DNAJC21: variants seen among roughly 807,000 people sequenced by gnomAD.
DNAJC21 encodes the protein DnaJ heat shock protein family (Hsp40) member C21.
DNAJC21 carries 63 observed loss-of-function variants against 72.4 expected under a neutral mutation model. The ratio of observed to expected loss-of-function variants is 0.87; its 90% CI spans 0.71 to 1.07. The LOEUF (loss-of-function observed/expected upper bound fraction) is 1.07. DNAJC21 is among the 50% of genes least tolerant of loss of function. DNAJC21 has a pLI of 0.00. For synonymous variants in DNAJC21, 203 were observed against 216.7 expected (o/e 0.94, Z 0.56); for missense variants, 634 against 644.8 (o/e 0.98, Z 0.18).
At chr5:34,941,978 A>G (rs1765011334) in intron 7 of DNAJC21, among the ~76,000 whole-genome samples, 1 of 152,000 alleles carries the variant, frequency 6.6e-6, no homozygotes, top group African/African-American at 2.4e-5. Flanking sequence ...CCTTTCCAGC[A>G]GGGTAGAAAG....
rs180726798 is a variant in DNAJC21 at position 34,941,223 on chromosome 5, G to T, written c.983+40G>T. The T allele has an allele frequency of 2.4e-4, 375 of 1,543,362 alleles. No homozygotes were observed. The African/African-American group carries it at 4.1e-3, about 17-fold the overall frequency. On this transcript the variant is annotated intron_variant, in intron 7 of 11. Transcript: ENST00000648817. ...TTAATTTAATTTAATTTTGAGACAG[G>T]GTCTCACTCTGTCACCAAGGCAGGA...
At chr5:34,947,862 T>G (rs1389979062) in intron 9 of DNAJC21, among the ~76,000 whole-genome samples, 3 of 152,114 alleles carry the variant, frequency 2.0e-5, no homozygotes, top group Non-Finnish European at 2.9e-5. Context: ...GTATAATGCC[T>G]CCTCTTTTTC....
In DNAJC21 at chr5:34,954,859, T is replaced by C. The variant is rs1018125779; in HGVS notation, c.*145T>C. ...TTTTTTATCTTGTAAAAACACTTTT[T>C]TGGTTTAATATATATTTTTAAAACA... is the stretch of plus-strand genomic sequence containing the variant. On this transcript the variant is annotated 3_prime_UTR_variant, in exon 12 of 12. Coordinates refer to ENST00000648817, the MANE Select transcript of DNAJC21 (RefSeq NM_001012339.3). The C allele has an allele frequency of 5.0e-6, 5 of 996,452 alleles. No homozygotes were observed. In the African/African-American group the frequency reaches 8.4e-5, roughly 17 times the overall value. The allele number at this position is 996,452 out of a possible 1,614,324, so 61.7% of individuals were successfully genotyped here. A position where few individuals can be genotyped will look rare whatever the true frequency, so the allele number is the denominator to read the frequency against.
chr5:34,930,062 A>C (rs575276857), intron 1 of DNAJC21, 146 bp downstream of exon 1: 231 of 516,420 alleles, frequency 4.5e-4, no homozygotes, highest in African/African-American at 4.2e-3. Flanking sequence ...CAGTGCCCGG[A>C]GCCGCCCTGC....
rs75388559 is a variant in DNAJC21 at position 34,951,891 on chromosome 5, G to C, written c.1358+1549G>C. ...GGGTTCTCAGGCTTGGGCAACCACT[G>C]ATATAGTTCAGCTCTCTAATTTCAC... On this transcript the variant is annotated intron_variant, in intron 10 of 11. Transcript: ENST00000648817. 14 of 985,490 alleles carry C rather than the reference G, an allele frequency of 1.4e-5. No homozygotes were observed. The East Asian group carries it at 1.6e-3, about 112-fold the overall frequency. The allele number at this position is 985,490 out of a possible 1,614,324, so 61.0% of individuals were successfully genotyped here. A position where few individuals can be genotyped will look rare whatever the true frequency, so the allele number is the denominator to read the frequency against.
At chr5:34,943,419 G>A (rs1410391341) in intron 7 of DNAJC21, among the ~76,000 whole-genome samples, 2 of 152,194 alleles carry the variant, frequency 1.3e-5, no homozygotes, top group African/African-American at 4.8e-5. Context: ...TGCTCTCAGG[G>A]ATTCATAGCT....
At chr5:34,951,846 AT>A in intron 10 of DNAJC21, 1 of 985,474 alleles carries the variant, frequency 1.0e-6, no homozygotes, top group Non-Finnish European at 1.2e-6. Context: ...CTACATGAGA[AT>A]TGATCTGGGG....
rs369359554 is a variant in DNAJC21 at position 34,945,741 on chromosome 5, C to T, written c.1143-20C>T. ...TCACAGAGTCAAGTATTTGACATTT[C>T]GATTTATATTTGCTCTTAGGCTTTC... On this transcript the variant is annotated intron_variant, in intron 8 of 11. Coordinates refer to ENST00000648817, the MANE Select transcript of DNAJC21 (RefSeq NM_001012339.3). 1.5e-4 allele frequency: 242 copies of T among 1,567,912 alleles called. No individual in the cohort carries two copies. Among genetic ancestry groups the T allele is most frequent in the East Asian group, 5.1e-4 (22 of 42,926 alleles).
chr5:34,938,132 G>A (rs1444598175), intron 5 of DNAJC21, among the ~76,000 whole-genome samples: 1 of 152,190 alleles, frequency 6.6e-6, no homozygotes, highest in Non-Finnish European at 1.5e-5. Context: ...TTTTCCTTCA[G>A]AGACCCTTTA....
intron 10 of DNAJC21, chr5:34,951,424 C>G (rs1765360191): frequency 1.0e-6 from 1 of 985,364 alleles, no homozygotes; most frequent in Non-Finnish European, 1.2e-6. Flanking sequence ...CTCCATGGAG[C>G]CTGTGTGTCC....
intron 9 of DNAJC21, among the ~76,000 whole-genome samples, chr5:34,946,885 A>G (rs1159595517): frequency 6.6e-6 from 1 of 152,164 alleles, no homozygotes; most frequent in African/African-American, 2.4e-5. Context: ...GTATTTTCTT[A>G]CTGATGAAAA....
intron 7 of DNAJC21, among the ~76,000 whole-genome samples, chr5:34,944,502 G>GA (rs1765107138): frequency 6.6e-6 from 1 of 152,094 alleles, no homozygotes; most frequent in South Asian, 2.1e-4. Flanking sequence ...TTTAAGAATT[G>GA]AAAAATCAAA....
At position 34,954,713 on chromosome 5, in the gene DNAJC21, A is replaced by G; in HGVS notation, c.1595A>G (p.Ter532TrpextTer14). 1 of 1,594,794 alleles carries G rather than the reference A, an allele frequency of 6.3e-7. No homozygotes were observed. Among genetic ancestry groups the G allele is most frequent in the Non-Finnish European group, 8.5e-7 (1 of 1,171,262 alleles). The change falls in exon 12 of 12, where the codon TAG becomes TGG. Residue 532 changes from the stop codon to tryptophan, a stop_lost. Coordinates refer to ENST00000648817, the MANE Select transcript of DNAJC21 (RefSeq NM_001012339.3). ...QSKKEKRKNR[*>W] ...AAGAAAGAGAAACGTAAAAACAGATAGAGATTCTGCCTGTGCTTTTGTTTG... is the reference window on the plus strand; with the variant it reads ...AAGAAAGAGAAACGTAAAAACAGATGGAGATTCTGCCTGTGCTTTTGTTTG...
At position 34,954,587 on chromosome 5, in the gene DNAJC21, A is replaced by C. The variant is rs766658632; in HGVS notation, c.1469A>C (p.Glu490Ala). The change falls in exon 12 of 12, where the codon GAA (glutamate) becomes GCA (alanine). Residue 490 changes from glutamate (E) to alanine (A), a missense_variant. By Grantham distance (107) the Glu-to-Ala change is moderately radical. Coordinates refer to ENST00000648817, the MANE Select transcript of DNAJC21 (RefSeq NM_001012339.3). Reference protein sequence around the residue: ...VLISCTTCHSEFPSRNKLFDH... With the variant: ...VLISCTTCHSAFPSRNKLFDH... ...ATCAGCTGTACAACCTGCCATAGTG[A>C]ATTTCCATCTCGGAATAAACTTTTT... 1 of 1,613,138 alleles carries C rather than the reference A, an allele frequency of 6.2e-7. No homozygotes were observed. The highest frequency in any genetic ancestry group is 1.1e-5 in the South Asian group (1 of 90,898).
intron 6 of DNAJC21, among the ~76,000 whole-genome samples, chr5:34,940,562 A>G (rs1255869705): frequency 1.3e-5 from 2 of 152,222 alleles, no homozygotes; most frequent in Non-Finnish European, 2.9e-5. Flanking sequence ...TGTGGACTAT[A>G]CTGATAGTAA....
Position 34,956,338 on chromosome 5 carries a change from GAT to G in DNAJC21, c.*1627_*1628del, listed in dbSNP as rs778819902. Reference sequence around the variant, plus strand: ...TAAATTCTTTTCTTTTCCATTTAGAGATATGTTTTTTTCTTTACCTTCATACC... The same window carrying G: ...TAAATTCTTTTCTTTTCCATTTAGAGATGTTTTTTTCTTTACCTTCATACC... On this transcript the variant is annotated 3_prime_UTR_variant, in exon 12 of 12. Coordinates refer to ENST00000648817, the MANE Select transcript of DNAJC21 (RefSeq NM_001012339.3). 2.6e-5 allele frequency: 4 copies of G among 152,322 alleles called. No individual in the cohort carries two copies. Among genetic ancestry groups the G allele is most frequent in the Admixed American group, 6.5e-5 (1 of 15,278 alleles). The allele number at this position is 152,322 out of a possible 1,614,324, so 9.4% of individuals were successfully genotyped here. A position where few individuals can be genotyped will look rare whatever the true frequency, so the allele number is the denominator to read the frequency against.
At chr5:34,953,837 C>T (rs1040901375) in intron 10 of DNAJC21, 89 bp from the exon 11 acceptor site, 64 of 828,010 alleles carry the variant, frequency 7.7e-5, no homozygotes, top group Non-Finnish European at 1.1e-4. Context: ...GTGCAGTTCA[C>T]TTTTTTGAGT....
At chr5:34,939,261 A>T (rs1337388490) in intron 6 of DNAJC21, among the ~76,000 whole-genome samples, 6 of 144,542 alleles carry the variant, frequency 4.2e-5, no homozygotes, top group African/African-American at 7.6e-5. Flanking sequence ...AAGTGTGACT[A>T]TTTTTTTTTT....
chr5:34,953,305 C>T (rs1019547249), intron 10 of DNAJC21, among the ~76,000 whole-genome samples: 8 of 151,802 alleles, frequency 5.3e-5, no homozygotes, highest in African/African-American at 1.9e-4. Context: ...TCTGTCACCC[C>T]AGCTAGAATG....
Sources: gnomAD v4.1 joint callset for allele counts (sites outside exome capture counted in the v4.1 genomes callset) on GRCh38, gnomAD v4.1.1 for gene constraint, MANE v1.5 for transcripts, NCBI Gene and HGNC (gene_info 2026-07-23, HGNC 2026-07-21) for gene names.